PLD5: variants seen among roughly 807,000 people sequenced by gnomAD.
The protein encoded by PLD5 is phospholipase D family member 5.
A neutral mutation model predicts 61.1 loss-of-function variants in PLD5; 36 were observed. That is an observed-to-expected ratio of 0.59 (90% CI 0.45 to 0.78). The LOEUF is 0.78. PLD5 is among the 30% of genes least tolerant of loss of function. The probability of loss-of-function intolerance (pLI) is 0.00; values close to 1 mark genes in which losing one functional copy is unlikely to be tolerated. For missense variants in PLD5, 515 were observed against 644.4 expected, an observed-to-expected ratio of 0.80 and a Z score of 2.17; for synonymous variants, 243 against 242.8, an observed-to-expected ratio of 1.00 and a Z score of -0.01.
intron 7 of PLD5, among the ~76,000 whole-genome samples, chr1:242,112,248 C>A (rs1056023204): frequency 6.7e-6 from 1 of 148,590 alleles, no homozygotes; most frequent in East Asian, 2.0e-4. Flanking sequence ...TGGAAGTGTG[C>A]GGTGAAAAAA....
chr1:242,150,865 G>T (rs12123331), intron 5 of PLD5, among the ~76,000 whole-genome samples: 36,828 of 151,390 alleles, frequency 0.24, 4,843 homozygotes, highest in South Asian at 0.35. Flanking sequence ...TCATCTATTT[G>T]TTGTTTCTTT....
intron 1 of PLD5, among the ~76,000 whole-genome samples, chr1:242,494,708 G>C (rs1668305600): frequency 6.6e-6 from 1 of 152,088 alleles, no homozygotes; most frequent in African/African-American, 2.4e-5. Flanking sequence ...TTCATCCAGA[G>C]AGTCTCAATA....
intron 5 of PLD5, among the ~76,000 whole-genome samples, chr1:242,196,302 C>G (rs183325480): frequency 6.6e-6 from 1 of 152,140 alleles, no homozygotes. Flanking sequence ...CACGCGCTGT[C>G]GGTACATTAT....
intron 1 of PLD5, among the ~76,000 whole-genome samples, chr1:242,498,840 A>C (rs1005343337): frequency 5.9e-5 from 9 of 152,228 alleles, no homozygotes; most frequent in Non-Finnish European, 1.0e-4. Context: ...ATGTTAGTAA[A>C]TATTTGTCTA....
chr1:242,520,853 C>G (rs1010022485), intron 1 of PLD5, among the ~76,000 whole-genome samples: 59 of 152,294 alleles, frequency 3.9e-4, no homozygotes, highest in African/African-American at 1.3e-3. Flanking sequence ...GAAGTAGTCC[C>G]TTGCTCCTCT....
intron 1 of PLD5, among the ~76,000 whole-genome samples, chr1:242,468,594 C>T (rs1667344809): frequency 6.6e-6 from 1 of 152,082 alleles, no homozygotes; most frequent in African/African-American, 2.4e-5. Context: ...TTACCATACA[C>T]ATTGTTCTGA....
At chr1:242,498,392 G>T (rs1338589685) in intron 1 of PLD5, among the ~76,000 whole-genome samples, 1 of 152,048 alleles carries the variant, frequency 6.6e-6, no homozygotes, top group African/African-American at 2.4e-5. Flanking sequence ...TTAATATTTT[G>T]GAGTATCTCC....
At chr1:242,146,844 G>A (rs540795575) in intron 5 of PLD5, among the ~76,000 whole-genome samples, 2 of 152,188 alleles carry the variant, frequency 1.3e-5, no homozygotes, top group South Asian at 2.1e-4. Flanking sequence ...TGGGAATCAC[G>A]GACTCACAGG....
chr1:242,473,033 A>G (rs1300287313), intron 1 of PLD5, among the ~76,000 whole-genome samples: 2 of 152,236 alleles, frequency 1.3e-5, no homozygotes, highest in Non-Finnish European at 2.9e-5. Context: ...GAAAAGAGAC[A>G]GAAGAAAATA....
chr1:242,425,010 C>A (rs1266183117), intron 1 of PLD5, among the ~76,000 whole-genome samples: 1 of 152,032 alleles, frequency 6.6e-6, no homozygotes, highest in Non-Finnish European at 1.5e-5. Context: ...TGCACGCCTG[C>A]AATCCTAGCT....
intron 4 of PLD5, among the ~76,000 whole-genome samples, chr1:242,234,379 A>G (rs1250769802): frequency 1.3e-5 from 2 of 151,976 alleles, no homozygotes; most frequent in African/African-American, 2.4e-5. Flanking sequence ...AGATCTCAAC[A>G]CTCTTGCCAA....
Position 242,283,404 on chromosome 1 carries a change from C to T in PLD5, c.495+4958G>A, listed in dbSNP as rs192546087. On this transcript the variant is annotated intron_variant, in intron 3 of 9. Coordinates refer to ENST00000536534, the MANE Select transcript of PLD5 (RefSeq NM_001372062.1). ...TTCTTGGTATATTTTCTTATTGCTA[C>T]ATTATAAAAGACATCTGGGCTGCTT... 2.1e-4 allele frequency among the ~76,000 whole-genome samples: 32 copies of T among 152,302 alleles called. 1 individual carries two copies. The East Asian group carries it at 6.0e-3, about 28-fold the overall frequency.
At chr1:242,412,761 A>G (rs1032478171) in intron 1 of PLD5, among the ~76,000 whole-genome samples, 8 of 152,218 alleles carry the variant, frequency 5.3e-5, no homozygotes, top group Admixed American at 4.6e-4. Flanking sequence ...TGTAAATGTA[A>G]AAGGTGCTAT....
rs11370783 is a variant in PLD5, at chr1:242,207,932, T to TTTTATATATATTTATATATTTATA, written c.735+12055_735+12056insTATAAATATATAAATATATATAAA. 1.3e-4 allele frequency among the ~76,000 whole-genome samples: 4 copies of TTTTATATATATTTATATATTTATA among 30,802 alleles called. 2 individuals carry two copies. Among genetic ancestry groups the TTTTATATATATTTATATATTTATA allele is most frequent in the African/African-American group, 7.2e-4 (4 of 5,522 alleles). The allele number at this position is 30,802 out of a possible 152,430, so 20.2% of individuals were successfully genotyped here. A position where few individuals can be genotyped will look rare whatever the true frequency, so the allele number is the denominator to read the frequency against. ...TATATATTTATATATTTATATATAT[T>TTTTATATATATTTATATATTTATA]TATATATTTATATATATTTATTTAT... On this transcript the variant is annotated intron_variant, in intron 5 of 9. Transcript: ENST00000536534.
intron 1 of PLD5, among the ~76,000 whole-genome samples, chr1:242,509,795 G>C (rs1210833384): frequency 4.6e-5 from 7 of 152,148 alleles, no homozygotes. Flanking sequence ...GTGTGACCAG[G>C]AAGTCAGGAG....
rs1221745799 is a variant in PLD5 at position 242,167,076 on chromosome 1, TAGTAATAATAATAATA to T, written c.736-42427_736-42412del. The stretch of plus-strand genomic sequence containing the variant: ...TTTTGAGAGTGAGAGACAATAATAA[TAGTAATAATAATAATA>T]ATAATAATAATAATAATAATAATAA... On this transcript the variant is annotated intron_variant, in intron 5 of 9. Transcript: ENST00000536534. 1.2e-3 allele frequency among the ~76,000 whole-genome samples: 92 copies of T among 77,392 alleles called. 2 individuals are homozygous for T. In the East Asian group the frequency reaches 0.019, roughly 16 times the overall value. 50.8% of individuals were successfully genotyped at this position (77,392 alleles called of 152,430 possible). A position where few individuals can be genotyped will look rare whatever the true frequency, so the allele number is the denominator to read the frequency against.
intron 1 of PLD5, among the ~76,000 whole-genome samples, chr1:242,451,846 C>A (rs367565585): frequency 6.6e-6 from 1 of 152,070 alleles, no homozygotes; most frequent in Non-Finnish European, 1.5e-5. Context: ...GAAAGACCTC[C>A]TTAAAGTTTC....
At chr1:242,274,427 G>T (rs962881897) in intron 3 of PLD5, among the ~76,000 whole-genome samples, 4 of 152,204 alleles carry the variant, frequency 2.6e-5, no homozygotes, top group African/African-American at 4.8e-5. Context: ...CCAGTAAAAT[G>T]CAGGCAAAGT....
intron 3 of PLD5, among the ~76,000 whole-genome samples, chr1:242,268,069 C>G (rs1213445064): frequency 6.6e-6 from 1 of 151,994 alleles, no homozygotes; most frequent in Non-Finnish European, 1.5e-5. Context: ...GGCTCAGGTA[C>G]AGGATGTGAG....
Sources: gnomAD v4.1 joint callset for allele counts (sites outside exome capture counted in the v4.1 genomes callset) on GRCh38, gnomAD v4.1.1 for gene constraint, MANE v1.5 for transcripts, NCBI Gene and HGNC (gene_info 2026-07-23, HGNC 2026-07-21) for gene names.